Variants in ABI1 observed in about 807,000 individuals in gnomAD.
The protein encoded by ABI1 is abl interactor 1.
Under a neutral mutation model 54.6 loss-of-function variants are expected in ABI1, and 14 were observed. The observed-to-expected ratio is 0.26, with a 90% confidence interval of 0.17 to 0.40. The LOEUF (loss-of-function observed/expected upper bound fraction) is 0.40, where lower values mean the gene tolerates loss of function less well. Among genes scored for constraint, ABI1 ranks in the 10% least tolerant of loss-of-function variants. The pLI is 1.00. For missense variants in ABI1, 443 were observed against 598.3 expected (o/e 0.74, Z 2.71); for synonymous variants, 194 against 209.3 (o/e 0.93, Z 0.63).
chr10:26,794,349 C>A (rs546430772), intron 2 of ABI1, among the ~76,000 whole-genome samples: 1 of 152,078 alleles, frequency 6.6e-6, no homozygotes, highest in Admixed American at 6.6e-5. Context: ...GTTGAAGCTG[C>A]AGTAAACAGT....
intron 2 of ABI1, among the ~76,000 whole-genome samples, chr10:26,797,769 G>A (rs1218139792): frequency 6.6e-6 from 1 of 152,176 alleles, no homozygotes; most frequent in Non-Finnish European, 1.5e-5. Flanking sequence ...ATGTTCATAT[G>A]AAGAAACTGA....
intron 6 of ABI1, among the ~76,000 whole-genome samples, chr10:26,767,478 T>C (rs1035899819): frequency 3.3e-5 from 5 of 152,194 alleles, no homozygotes; most frequent in African/African-American, 9.7e-5. Flanking sequence ...AATTTGGTTA[T>C]ATAATAAATT....
chr10:26,750,216 AG>A (rs1837438512), intron 10 of ABI1, among the ~76,000 whole-genome samples: 2 of 152,240 alleles, frequency 1.3e-5, no homozygotes, highest in Admixed American at 1.3e-4. Flanking sequence ...TAAAAATATA[AG>A]GCCACGCTCG....
chr10:26,798,896 T>C (rs1375938457), intron 2 of ABI1, among the ~76,000 whole-genome samples: 2 of 150,580 alleles, frequency 1.3e-5, no homozygotes, highest in South Asian at 4.2e-4. Context: ...ACAAAACACA[T>C]AAGGAAAAAA....
Position 26,823,068 on chromosome 10 carries a change from G to A in ABI1, c.285+70C>T, listed in dbSNP as rs546177719. The A allele has an allele frequency of 7.5e-5, 99 of 1,327,758 alleles. 1 individual carries two copies. The South Asian group carries it at 1.4e-3, about 18-fold the overall frequency. The allele number at this position is 1,327,758 out of a possible 1,614,324, so 82.2% of individuals were successfully genotyped here. On this transcript the variant is annotated intron_variant, in intron 2 of 10. Coordinates refer to ENST00000376140, the MANE Select transcript of ABI1 (RefSeq NM_001012750.3). ...ATGAGTCAGAAATCCATACATGCAG[G>A]CTATTTACTTCTTTGGCATATGCTG...
chr10:26,801,958 T>A (rs577722233), intron 2 of ABI1, among the ~76,000 whole-genome samples: 19 of 152,326 alleles, frequency 1.2e-4, no homozygotes, highest in Admixed American at 8.5e-4. Flanking sequence ...AAGTATAGGA[T>A]GCCACAAAAA....
At chr10:26,820,046 G>A (rs1403620347) in intron 2 of ABI1, among the ~76,000 whole-genome samples, 1 of 152,208 alleles carries the variant, frequency 6.6e-6, no homozygotes, top group Non-Finnish European at 1.5e-5. Context: ...GGGAAATGGG[G>A]AGCTGTTGCT....
At chr10:26,795,889 A>G (rs1047822423) in intron 2 of ABI1, among the ~76,000 whole-genome samples, 1 of 152,186 alleles carries the variant, frequency 6.6e-6, no homozygotes, top group East Asian at 1.9e-4. Flanking sequence ...AAATAGAAAA[A>G]ACAATCCTAA....
chr10:26,791,267 C>T (rs1194051282), intron 2 of ABI1, among the ~76,000 whole-genome samples: 2 of 151,798 alleles, frequency 1.3e-5, no homozygotes, highest in African/African-American at 4.8e-5. Context: ...AAGCTCTCTC[C>T]CCTATCCAAT....
chr10:26,785,626 G>A lies in ABI1; in HGVS notation c.286-8385C>T, dbSNP rs117875658. Among the ~76,000 whole-genome samples the A allele has an allele frequency of 2.0e-5, 3 of 152,110 alleles. No individual in the cohort carries two copies. The East Asian group carries it at 5.8e-4, about 29-fold the overall frequency. On this transcript the variant is annotated intron_variant, in intron 2 of 10. Coordinates refer to ENST00000376140, the MANE Select transcript of ABI1 (RefSeq NM_001012750.3). ...AGTCTCAGTTACTTGCGGGGGTGCT[G>A]AGGCATGAGAATCGCTTGAACCCAG...
At chr10:26,825,214 T>C (rs754942376) in intron 1 of ABI1, among the ~76,000 whole-genome samples, 2 of 152,228 alleles carry the variant, frequency 1.3e-5, no homozygotes, top group South Asian at 2.1e-4. Flanking sequence ...TTACCCTCAG[T>C]AGAACTTCTT....
chr10:26,805,635 C>T (rs546571503), intron 2 of ABI1, among the ~76,000 whole-genome samples: 34 of 152,248 alleles, frequency 2.2e-4, no homozygotes, highest in African/African-American at 7.5e-4. Flanking sequence ...TGAACAGAAG[C>T]AGGATTGCCA....
intron 2 of ABI1, among the ~76,000 whole-genome samples, chr10:26,808,804 T>C (rs1257725060): frequency 6.6e-6 from 1 of 151,894 alleles, no homozygotes; most frequent in Non-Finnish European, 1.5e-5. Context: ...TAATAAATTG[T>C]TTTTAAAAGA....
At chr10:26,858,879 A>G (rs68021348) in intron 1 of ABI1, among the ~76,000 whole-genome samples, 19,440 of 152,236 alleles carry the variant, frequency 0.13, 1,673 homozygotes, top group Admixed American at 0.2. Flanking sequence ...CAAAACAAAA[A>G]GGAGCCACCC....
Position 26,765,223 on chromosome 10 carries a change from C to A in ABI1, c.815G>T (p.Gly272Val). 1.2e-6 allele frequency: 2 copies of A among 1,600,396 alleles called. No homozygotes were observed. The highest frequency in any genetic ancestry group is 2.2e-5 in the East Asian group (1 of 44,592). Residue 272 changes from glycine to valine, a missense_variant, in exon 7 of 11, where the codon GGA (glycine) becomes GTA (valine). Physicochemically the swap from Gly to Val is moderately radical, Grantham distance 109. This residue lies in a region of ABI1 where 394 missense variants were observed against 484.8 expected (regional missense o/e 0.81). Transcript: ENST00000376140. ...AVPTPSPPTI[G>V]PAAPGSAPGS... ...TAGATTAATAAATAACACACCTGGT[C>A]CAATAGTGGGTGGCGAAGGTGTAGG...
chr10:26,747,349 T>C lies in ABI1; in HGVS notation c.*1221A>G, dbSNP rs1837063559. ...AAGTGCATGTGTTGCATTTTGATTA[T>C]GTCAAAAGACAATCCAAGTCTGTTG... On this transcript the variant is annotated 3_prime_UTR_variant, in exon 11 of 11. Transcript: ENST00000376140. 1 of 225,078 alleles carries C rather than the reference T, an allele frequency of 4.4e-6. No individual in the cohort carries two copies. Among genetic ancestry groups the C allele is most frequent in the Admixed American group, 5.7e-5 (1 of 17,534 alleles). The allele number at this position is 225,078 out of a possible 1,614,324, so 13.9% of individuals were successfully genotyped here. A position where few individuals can be genotyped will look rare whatever the true frequency, so the allele number is the denominator to read the frequency against.
At chr10:26,775,858 G>A (rs917755723) in intron 3 of ABI1, among the ~76,000 whole-genome samples, 4 of 152,158 alleles carry the variant, frequency 2.6e-5, no homozygotes, top group African/African-American at 7.2e-5. Context: ...GTGTGTGCGT[G>A]TGCAAGTATG....
chr10:26,802,342 ACTCT>A (rs1166932868), intron 2 of ABI1, among the ~76,000 whole-genome samples: 1 of 152,140 alleles, frequency 6.6e-6, no homozygotes, highest in Non-Finnish European at 1.5e-5. Flanking sequence ...TCTTACAGAG[ACTCT>A]CAATATATAA....
At chr10:26,762,059 C>A (rs566665038) in intron 7 of ABI1, among the ~76,000 whole-genome samples, 1 of 151,994 alleles carries the variant, frequency 6.6e-6, no homozygotes, top group Non-Finnish European at 1.5e-5. Flanking sequence ...CAGGCTAGAG[C>A]GCAGTGGCAC....
Sources: allele counts gnomAD v4.1 joint callset (sites outside exome capture counted in the v4.1 genomes callset), GRCh38; gene constraint gnomAD v4.1.1; regional missense constraint gnomAD v4.1.1; transcripts MANE v1.5; gene names NCBI Gene and HGNC (gene_info 2026-07-23, HGNC 2026-07-21).